Variants in GRID1 observed in about 807,000 individuals in gnomAD.
GRID1 encodes glutamate ionotropic receptor delta type subunit 1, also known as glutamate receptor ionotropic, delta-1.
In GRID1, 28 loss-of-function variants were observed where a neutral mutation model predicts 98.0. The ratio of observed to expected loss-of-function variants is 0.29; its 90% confidence interval spans 0.21 to 0.39. The LOEUF (loss-of-function observed/expected upper bound fraction) is 0.39. Ranked by LOEUF, GRID1 falls within the 10% of genes least tolerant of loss-of-function variation. The probability of loss-of-function intolerance (pLI) is 1.00; values close to 1 mark genes in which losing one functional copy is unlikely to be tolerated. For synonymous variants in GRID1, 553 were observed against 538.5 expected, an observed-to-expected ratio of 1.03 and a Z score of -0.37; for missense variants, 1,111 against 1,340.5, an observed-to-expected ratio of 0.83 and a Z score of 2.67.
chr10:85,739,624 G>A (rs1258593008), intron 8 of GRID1, among the ~76,000 whole-genome samples: 2 of 151,848 alleles, frequency 1.3e-5, no homozygotes, highest in African/African-American at 4.8e-5. Flanking sequence ...ATAACATTAT[G>A]ATCAATTTTA....
chr10:86,235,083 G>A (rs61856563), intron 2 of GRID1, among the ~76,000 whole-genome samples: 3,412 of 152,280 alleles, frequency 0.022, 52 homozygotes, highest in Middle Eastern at 0.068. Context: ...CCTACTCCCC[G>A]GGCCAGAGCC....
intron 2 of GRID1, among the ~76,000 whole-genome samples, chr10:86,315,209 T>C (rs1454318226): frequency 6.6e-6 from 1 of 152,144 alleles, no homozygotes; most frequent in Non-Finnish European, 1.5e-5. Flanking sequence ...ACTTAGCACA[T>C]TGCCTTGTGG....
At chr10:86,304,927 G>A (rs138930208) in intron 2 of GRID1, among the ~76,000 whole-genome samples, 81 of 152,168 alleles carry the variant, frequency 5.3e-4, no homozygotes, top group East Asian at 2.7e-3. Context: ...CCCTGTCTGC[G>A]GTGGTTAATT....
At chr10:85,975,144 T>C (rs987187646) in intron 4 of GRID1, among the ~76,000 whole-genome samples, 6 of 152,254 alleles carry the variant, frequency 3.9e-5, no homozygotes, top group African/African-American at 1.4e-4. Context: ...TCTCTACATG[T>C]GGCTCTGTTA....
chr10:85,680,311 C>A (rs886547812), intron 12 of GRID1, among the ~76,000 whole-genome samples: 1 of 152,110 alleles, frequency 6.6e-6, no homozygotes, highest in Non-Finnish European at 1.5e-5. Context: ...CTGCCCCTGG[C>A]GACTACACCC....
intron 4 of GRID1, among the ~76,000 whole-genome samples, chr10:86,052,134 G>A (rs1461669875): frequency 6.6e-6 from 1 of 151,938 alleles, no homozygotes; most frequent in East Asian, 1.9e-4. Flanking sequence ...TTTCTAATAC[G>A]GAAATACCTC....
chr10:85,754,919 T>C (rs1438430749), intron 8 of GRID1, among the ~76,000 whole-genome samples: 1 of 152,222 alleles, frequency 6.6e-6, no homozygotes. Context: ...ATGACTGGCA[T>C]ATTGGAGGTA....
intron 8 of GRID1, among the ~76,000 whole-genome samples, chr10:85,766,728 G>T (rs1307947659): frequency 7.9e-6 from 1 of 126,912 alleles, no homozygotes; most frequent in Non-Finnish European, 1.7e-5. Context: ...AAAGGCAGAT[G>T]ATTGTGTGTG....
chr10:85,985,310 CTGAT>C (rs1392736540), intron 4 of GRID1, among the ~76,000 whole-genome samples: 7 of 152,216 alleles, frequency 4.6e-5, no homozygotes, highest in Non-Finnish European at 8.8e-5. Context: ...CCAGGCCACT[CTGAT>C]TGAAAGTCCA....
At chr10:85,790,236 C>G (rs1842466193) in intron 8 of GRID1, among the ~76,000 whole-genome samples, 1 of 152,184 alleles carries the variant, frequency 6.6e-6, no homozygotes, top group South Asian at 2.1e-4. Flanking sequence ...CTGTCATTCC[C>G]CAGCACCTGA....
chr10:85,660,592 C>G (rs1424196418), intron 12 of GRID1, among the ~76,000 whole-genome samples: 2 of 151,766 alleles, frequency 1.3e-5, no homozygotes, highest in Non-Finnish European at 2.9e-5. Context: ...CCAATTTATG[C>G]AGGACCCTAC....
intron 5 of GRID1, among the ~76,000 whole-genome samples, chr10:85,915,708 T>C (rs556274483): frequency 6.6e-5 from 10 of 151,546 alleles, no homozygotes; most frequent in Non-Finnish European, 1.5e-4. Flanking sequence ...AACACAGACA[T>C]ACACACACAC....
chr10:85,683,225 CAT>C (rs1305981088), intron 12 of GRID1, among the ~76,000 whole-genome samples: 1 of 152,094 alleles, frequency 6.6e-6, no homozygotes, highest in Non-Finnish European at 1.5e-5. Flanking sequence ...AAAATAGAAA[CAT>C]AAAATTTCAC....
intron 4 of GRID1, among the ~76,000 whole-genome samples, chr10:86,115,094 T>C (rs527457618): frequency 6.6e-6 from 1 of 152,100 alleles, no homozygotes; most frequent in Non-Finnish European, 1.5e-5. Context: ...CTATGAAAGG[T>C]AACATACCTG....
intron 2 of GRID1, among the ~76,000 whole-genome samples, chr10:86,326,484 A>G (rs1364146293): frequency 6.6e-6 from 1 of 152,260 alleles, no homozygotes; most frequent in Non-Finnish European, 1.5e-5. Flanking sequence ...TCTGAACCAC[A>G]TGAACAAATT....
chr10:85,902,435 T>G (rs1394617000), intron 5 of GRID1, among the ~76,000 whole-genome samples: 1 of 152,210 alleles, frequency 6.6e-6, no homozygotes, highest in Non-Finnish European at 1.5e-5. Context: ...TGACAGTGGG[T>G]GACTGAAACC....
At chr10:86,109,971 C>CTTTTTT (rs56917207) in intron 4 of GRID1, among the ~76,000 whole-genome samples, 11 of 121,030 alleles carry the variant, frequency 9.1e-5, no homozygotes, top group African/African-American at 2.8e-4. Context: ...CTCTGCCATT[C>CTTTTTT]TTTTTTTTTT....
chr10:85,681,766 T>C (rs1270503282), intron 12 of GRID1, among the ~76,000 whole-genome samples: 2 of 152,128 alleles, frequency 1.3e-5, no homozygotes, highest in Admixed American at 6.5e-5. Flanking sequence ...ACTTCCCATA[T>C]TAAACAGCAA....
At chr10:85,640,958 C>G (rs1352798284) in intron 13 of GRID1, among the ~76,000 whole-genome samples, 2 of 152,236 alleles carry the variant, frequency 1.3e-5, no homozygotes, top group Non-Finnish European at 2.9e-5. Flanking sequence ...TAAAAAGATA[C>G]TTCCCTCTGA....
Sources: allele counts gnomAD v4.1 joint callset (sites outside exome capture counted in the v4.1 genomes callset), GRCh38; gene constraint gnomAD v4.1.1; transcripts MANE v1.5; gene names NCBI Gene and HGNC (gene_info 2026-07-23, HGNC 2026-07-21).